Variants in THSD7B observed in about 807,000 individuals in gnomAD.
THSD7B encodes thrombospondin type-1 domain-containing protein 7B.
In THSD7B, 138 loss-of-function variants were observed where a neutral mutation model predicts 213.6. The observed-to-expected ratio is 0.65, with a 90% confidence interval of 0.56 to 0.74. The LOEUF is 0.74. Among genes scored for constraint, THSD7B ranks in the 30% least tolerant of loss-of-function variants. THSD7B has a pLI of 0.00. For synonymous variants in THSD7B, 742 were observed against 687.0 expected, an observed-to-expected ratio of 1.08 and a Z score of -1.25; for missense variants, 1,931 against 1,991.5, an observed-to-expected ratio of 0.97 and a Z score of 0.58.
rs758566736 is a variant in THSD7B, at chr2:137,563,286, T to C, written c.3204T>C (p.Ser1068=). The C allele has an allele frequency of 5.0e-6, 8 of 1,613,478 alleles. No individual in the cohort carries two copies. The highest frequency in any genetic ancestry group is 6.8e-6 in the Non-Finnish European group (8 of 1,179,620). The change falls in exon 16 of 28, where the codon TCT becomes TCC. Residue 1068 remains serine (S), a synonymous_variant. Transcript: ENST00000409968. ...NQYSWVVEHW[S]SCKINNELRS... is the part of the protein sequence containing the mutation. ...ATTCCTGGGTTGTAGAACACTGGTCTTCATGCAAAATCAACAATGAGCTGA... is the reference window on the plus strand; with the variant it reads ...ATTCCTGGGTTGTAGAACACTGGTCCTCATGCAAAATCAACAATGAGCTGA...
chr2:137,573,043 C>T (rs1296685628), intron 17 of THSD7B, among the ~76,000 whole-genome samples: 1 of 147,258 alleles, frequency 6.8e-6, no homozygotes. Flanking sequence ...CTACTTCTTC[C>T]AAAGCTAACA....
intron 10 of THSD7B, among the ~76,000 whole-genome samples, chr2:137,260,850 T>C (rs1410073687): frequency 6.6e-6 from 1 of 152,216 alleles, no homozygotes; most frequent in African/African-American, 2.4e-5. Context: ...TGTCTCCATC[T>C]TCTCATTCAG....
intron 17 of THSD7B, among the ~76,000 whole-genome samples, chr2:137,580,071 T>C (rs959063630): frequency 6.6e-6 from 1 of 152,308 alleles, no homozygotes; most frequent in Non-Finnish European, 1.5e-5. Context: ...TATAAAGATA[T>C]GTTTCTAATA....
At chr2:137,332,894 T>C (rs1420111445) in intron 12 of THSD7B, among the ~76,000 whole-genome samples, 1 of 152,212 alleles carries the variant, frequency 6.6e-6, no homozygotes, top group African/African-American at 2.4e-5. Context: ...GTGAGTCAAT[T>C]AAACCTATTT....
chr2:137,586,522 G>A (rs1681732285), intron 17 of THSD7B, among the ~76,000 whole-genome samples: 1 of 152,184 alleles, frequency 6.6e-6, no homozygotes, highest in South Asian at 2.1e-4. Flanking sequence ...CTCTTATAGG[G>A]CAGGCTTGGT....
At chr2:136,961,864 T>C (rs1685225632) in intron 2 of THSD7B, among the ~76,000 whole-genome samples, 1 of 152,200 alleles carries the variant, frequency 6.6e-6, no homozygotes, top group South Asian at 2.1e-4. Flanking sequence ...AATGATTTCT[T>C]AGATTTTGTA....
intron 2 of THSD7B, among the ~76,000 whole-genome samples, chr2:136,994,884 A>G (rs1199991459): frequency 1.3e-5 from 2 of 152,218 alleles, no homozygotes; most frequent in African/African-American, 4.8e-5. Flanking sequence ...GAAAATCGGC[A>G]TTAACTTGCA....
intron 1 of THSD7B, among the ~76,000 whole-genome samples, chr2:136,863,498 C>T (rs1448799152): frequency 4.6e-5 from 7 of 152,222 alleles, no homozygotes; most frequent in South Asian, 2.1e-4. Context: ...ACCCGGAACA[C>T]GCCTGATCTC....
intron 10 of THSD7B, among the ~76,000 whole-genome samples, chr2:137,248,102 G>A (rs1225442313): frequency 3.9e-5 from 6 of 152,066 alleles, no homozygotes; most frequent in Middle Eastern, 3.2e-3. Flanking sequence ...TATTTTCAGC[G>A]TTAAAACTCT....
At chr2:136,927,897 A>C (rs1231183857) in intron 2 of THSD7B, among the ~76,000 whole-genome samples, 1 of 152,212 alleles carries the variant, frequency 6.6e-6, no homozygotes, top group Non-Finnish European at 1.5e-5. Context: ...ATTGCCTTAT[A>C]AAGACACTTT....
chr2:136,851,759 T>G (rs1467024342), intron 1 of THSD7B, among the ~76,000 whole-genome samples: 2 of 152,032 alleles, frequency 1.3e-5, no homozygotes, highest in African/African-American at 2.4e-5. Flanking sequence ...CGTTACAGCC[T>G]TTTTCTACAG....
At chr2:137,565,711 G>A (rs1321255278) in intron 16 of THSD7B, among the ~76,000 whole-genome samples, 1 of 152,090 alleles carries the variant, frequency 6.6e-6, no homozygotes, top group Non-Finnish European at 1.5e-5. Context: ...TTTTTGTACT[G>A]TATCAAAATG....
chr2:136,917,519 C>T (rs573488644), intron 2 of THSD7B, among the ~76,000 whole-genome samples: 101 of 152,260 alleles, frequency 6.6e-4, no homozygotes, highest in Non-Finnish European at 1.2e-3. Context: ...TGAGCATCTG[C>T]TCAGTGCTTA....
chr2:137,182,821 G>T (rs1680480169), intron 7 of THSD7B, among the ~76,000 whole-genome samples: 1 of 152,102 alleles, frequency 6.6e-6, no homozygotes, highest in Non-Finnish European at 1.5e-5. Context: ...CTAGGTGTGT[G>T]ACTTTGAGAA....
At chr2:137,307,482 A>G (rs1303223311) in intron 12 of THSD7B, among the ~76,000 whole-genome samples, 3 of 152,258 alleles carry the variant, frequency 2.0e-5, no homozygotes, top group South Asian at 2.1e-4. Flanking sequence ...CTTCATCCCT[A>G]ATCCAAAGGT....
Position 137,318,747 on chromosome 2 carries a change from G to T in THSD7B, c.2500+42721G>T, listed in dbSNP as rs1261963839. ...TGGTTTTAACCTTTTAAAACCCTTT[G>T]TCCTTCAGCTTTTCCAACTCTAAAA... On this transcript the variant is annotated intron_variant, in intron 12 of 27. Coordinates refer to ENST00000409968, the MANE Select transcript of THSD7B (RefSeq NM_001316349.2). 4.7e-5 allele frequency among the ~76,000 whole-genome samples: 6 copies of T among 129,006 alleles called. No homozygotes were observed. In the East Asian group the frequency reaches 9.1e-4, roughly 20 times the overall value. The allele number at this position is 129,006 out of a possible 152,430, so 84.6% of individuals were successfully genotyped here. A position where few individuals can be genotyped will look rare whatever the true frequency, so the allele number is the denominator to read the frequency against.
At chr2:137,392,533 A>C (rs899391149) in intron 12 of THSD7B, among the ~76,000 whole-genome samples, 2 of 151,872 alleles carry the variant, frequency 1.3e-5, no homozygotes, top group Admixed American at 6.6e-5. Context: ...ACTGTTTTTT[A>C]TTTAAAGTCT....
At chr2:136,789,639 C>G (rs1200278739) in intron 1 of THSD7B, among the ~76,000 whole-genome samples, 2 of 152,078 alleles carry the variant, frequency 1.3e-5, no homozygotes, top group African/African-American at 4.8e-5. Flanking sequence ...TGCTTGCAAC[C>G]TGATCAAGGA....
chr2:137,626,481 GA>G (rs1200408999), intron 20 of THSD7B, among the ~76,000 whole-genome samples: 22 of 141,254 alleles, frequency 1.6e-4, no homozygotes, highest in African/African-American at 2.7e-4. Context: ...AAAAAAAAAA[GA>G]AAAAGAAAAA....
Sources: allele counts gnomAD v4.1 joint callset (sites outside exome capture counted in the v4.1 genomes callset), GRCh38; gene constraint gnomAD v4.1.1; transcripts MANE v1.5; gene names NCBI Gene and HGNC (gene_info 2026-07-23, HGNC 2026-07-21).